CMTM8: variants seen among roughly 807,000 people sequenced by gnomAD.
The protein encoded by CMTM8 is CKLF-like MARVEL transmembrane domain-containing protein 8.
In CMTM8, 12 loss-of-function variants were observed where a neutral mutation model predicts 18.6. That is an observed-to-expected ratio of 0.65 (90% CI 0.41 to 1.05). The LOEUF (loss-of-function observed/expected upper bound fraction) is 1.05. Ranked by LOEUF, CMTM8 falls within the 50% of genes least tolerant of loss-of-function variation. The pLI, the probability that CMTM8 is intolerant of heterozygous loss-of-function variation, is 0.00. For synonymous variants in CMTM8, 87 were observed against 90.6 expected, an observed-to-expected ratio of 0.96 and a Z score of 0.23; for missense variants, 217 against 227.2, an observed-to-expected ratio of 0.95 and a Z score of 0.29.
intron 1 of CMTM8, among the ~76,000 whole-genome samples, chr3:32,315,547 C>A (rs929802866): frequency 2.6e-5 from 4 of 152,188 alleles, no homozygotes; most frequent in Non-Finnish European, 5.9e-5. Context: ...AGCGAAGGCA[C>A]CCACAGTGGG....
Position 32,331,530 on chromosome 3 carries a change from AC to A in CMTM8, c.148-25842del, listed in dbSNP as rs1346745945. ...TTAAATTCAGCTGATTAAAAAAAAA[AC>A]AATGAACAAATAAACCATACAAAAA... On this transcript the variant is annotated intron_variant, in intron 1 of 3. Coordinates refer to ENST00000307526, the MANE Select transcript of CMTM8 (RefSeq NM_178868.5). Among the ~76,000 whole-genome samples, 7 of 151,012 alleles carry A rather than the reference AC, an allele frequency of 4.6e-5. No individual in the cohort carries two copies. The South Asian group carries it at 8.4e-4, about 18-fold the overall frequency.
intron 1 of CMTM8, among the ~76,000 whole-genome samples, chr3:32,251,173 C>T (rs1157519520): frequency 6.6e-6 from 1 of 152,206 alleles, no homozygotes; most frequent in Non-Finnish European, 1.5e-5. Context: ...TGGGCACCAA[C>T]TGGTCAGAGA....
At chr3:32,317,512 C>T (rs1488969237) in intron 1 of CMTM8, among the ~76,000 whole-genome samples, 2 of 152,094 alleles carry the variant, frequency 1.3e-5, no homozygotes, top group Non-Finnish European at 2.9e-5. Context: ...AATAAATTGG[C>T]CTAAACTTTA....
At chr3:32,309,927 C>CTGAG (rs1298894844) in intron 1 of CMTM8, among the ~76,000 whole-genome samples, 1 of 152,210 alleles carries the variant, frequency 6.6e-6, no homozygotes, top group African/African-American at 2.4e-5. Flanking sequence ...CATCAGATGA[C>CTGAG]TGAGTTCAGT....
At chr3:32,350,360 T>G in intron 1 of CMTM8, among the ~76,000 whole-genome samples, 1 of 99,636 alleles carries the variant, frequency 1.0e-5, no homozygotes, top group East Asian at 2.9e-4. Context: ...TGTTCTAAGC[T>G]TTTTTTTTTT....
intron 1 of CMTM8, among the ~76,000 whole-genome samples, chr3:32,270,768 TA>T (rs1190906643): frequency 1.3e-5 from 2 of 152,192 alleles, no homozygotes; most frequent in Non-Finnish European, 2.9e-5. Context: ...ATACCTGATG[TA>T]AATGACGAGT....
chr3:32,258,715 T>C (rs1040951829), intron 1 of CMTM8, among the ~76,000 whole-genome samples: 1 of 152,130 alleles, frequency 6.6e-6, no homozygotes, highest in Admixed American at 6.5e-5. Flanking sequence ...CTCAGTTTGG[T>C]GCCCAGGCTA....
intron 1 of CMTM8, among the ~76,000 whole-genome samples, chr3:32,283,572 A>C (rs1244798776): frequency 1.6e-4 from 24 of 152,190 alleles, no homozygotes; most frequent in Admixed American, 1.6e-3. Flanking sequence ...GGACACGTCT[A>C]GGCATTTCAG....
At position 32,358,705 on chromosome 3, in the gene CMTM8, A is replaced by T. The variant is rs1696864187; in HGVS notation, c.321+1159A>T. ...GACTGACTCTTGACCATTTCCCCAA[A>T]TCCAAAAGTAAGGACTCTTTATTAA... is the stretch of plus-strand genomic sequence containing the variant. On this transcript the variant is annotated intron_variant, in intron 2 of 3. Coordinates refer to ENST00000307526, the MANE Select transcript of CMTM8 (RefSeq NM_178868.5). This position sits in a 1 kb window ranked among gnomAD's most constrained non-coding sequence, Gnocchi z 4.1. Among the ~76,000 whole-genome samples, 1 of 152,188 alleles carries T rather than the reference A, an allele frequency of 6.6e-6. No individual in the cohort carries two copies. Among genetic ancestry groups the T allele is most frequent in the South Asian group, 2.1e-4 (1 of 4,836 alleles).
intron 1 of CMTM8, among the ~76,000 whole-genome samples, chr3:32,356,734 T>G (rs1007613137): frequency 2.0e-5 from 3 of 152,210 alleles, no homozygotes; most frequent in African/African-American, 7.2e-5. Context: ...CAAGTACACC[T>G]GCAGTCTCAT....
In CMTM8 at chr3:32,247,319, T is replaced by G. The variant is rs145014693; in HGVS notation, c.147+8200T>G. On this transcript the variant is annotated intron_variant, in intron 1 of 3. Transcript: ENST00000307526. ...TATCACCACTGTCTTATTTTAGAAT[T>G]TTTTTTCCCCTGAGATGGAGTCTCA... Among the ~76,000 whole-genome samples, 566 of 152,168 alleles carry G rather than the reference T, an allele frequency of 3.7e-3. 7 individuals are homozygous for G. Among genetic ancestry groups the G allele is most frequent in the African/African-American group, 0.013 (536 of 41,504 alleles).
intron 1 of CMTM8, among the ~76,000 whole-genome samples, chr3:32,291,132 AT>A (rs1055611599): frequency 0.014 from 1,994 of 145,182 alleles, 36 homozygotes; most frequent in African/African-American, 0.042. Context: ...TAGAGAAGAA[AT>A]TTTTTTTTTT....
intron 3 of CMTM8, among the ~76,000 whole-genome samples, chr3:32,369,365 C>T (rs1445572130): frequency 6.6e-6 from 1 of 152,144 alleles, no homozygotes; most frequent in Admixed American, 6.5e-5. Context: ...CATTAAAAAT[C>T]ACAAGCTTCG....
chr3:32,328,845 T>C (rs1037864117), intron 1 of CMTM8, among the ~76,000 whole-genome samples: 2 of 151,938 alleles, frequency 1.3e-5, no homozygotes, highest in African/African-American at 4.8e-5. Flanking sequence ...AACCAAAAAC[T>C]TCCCAACAAA....
rs890095235 is a variant in CMTM8, at chr3:32,345,136, G to A, written c.148-12237G>A. ...AGGTGGGCAGATCACTTGAGCCTAA[G>A]AGTTCAAGACCAGCCTGGGCAGCAT... On this transcript the variant is annotated intron_variant, in intron 1 of 3. Coordinates refer to ENST00000307526, the MANE Select transcript of CMTM8 (RefSeq NM_178868.5). Among the ~76,000 whole-genome samples, 8 of 152,284 alleles carry A rather than the reference G, an allele frequency of 5.3e-5. No individual in the cohort carries two copies. In the South Asian group the frequency reaches 1.7e-3, roughly 32 times the overall value.
chr3:32,247,232 A>C (rs945434792), intron 1 of CMTM8, among the ~76,000 whole-genome samples: 1 of 152,142 alleles, frequency 6.6e-6, no homozygotes, highest in Non-Finnish European at 1.5e-5. Flanking sequence ...ATTACATATA[A>C]AATTGACCTT....
intron 1 of CMTM8, chr3:32,259,212 G>A: frequency 1.9e-6 from 1 of 537,644 alleles, no homozygotes; most frequent in Non-Finnish European, 3.5e-6. Flanking sequence ...CGCACAGCCT[G>A]AACGACTGCC....
intron 1 of CMTM8, among the ~76,000 whole-genome samples, chr3:32,254,319 A>G (rs1181319940): frequency 6.6e-6 from 1 of 152,058 alleles, no homozygotes; most frequent in Non-Finnish European, 1.5e-5. Context: ...ATTCCAAAAC[A>G]CTTCATGTTC....
intron 1 of CMTM8, among the ~76,000 whole-genome samples, chr3:32,265,737 A>C (rs965376159): frequency 3.3e-5 from 5 of 152,222 alleles, no homozygotes; most frequent in African/African-American, 1.2e-4. Context: ...AGAGAGAAGA[A>C]TCAAATAGAC....
Sources: gnomAD v4.1 joint callset for allele counts (sites outside exome capture counted in the v4.1 genomes callset) on GRCh38, gnomAD v4.1.1 for gene constraint, Gnocchi (gnomAD v3.1) non-coding constraint, MANE v1.5 for transcripts, NCBI Gene and HGNC (gene_info 2026-07-23, HGNC 2026-07-21) for gene names.